CCND1: variants seen among roughly 807,000 people sequenced by gnomAD.
The protein encoded by CCND1 is cyclin D1.
CCND1 carries 9 observed loss-of-function variants against 26.1 expected under a neutral mutation model. The observed-to-expected ratio is 0.35, with a 90% confidence interval of 0.21 to 0.60. CCND1 has a LOEUF of 0.60. Ranked by LOEUF, CCND1 falls within the 20% of genes least tolerant of loss-of-function variation. The probability of loss-of-function intolerance (pLI) is 0.79; values close to 1 mark genes in which losing one functional copy is unlikely to be tolerated. For missense variants in CCND1, 335 were observed against 392.9 expected, an observed-to-expected ratio of 0.85 and a Z score of 1.25; for synonymous variants, 194 against 166.1, an observed-to-expected ratio of 1.17 and a Z score of -1.29.
intron 3 of CCND1, 41 bp from the exon 4 acceptor site, chr11:69,647,953 C>A (rs200754294): frequency 1.2e-6 from 2 of 1,609,414 alleles, no homozygotes; most frequent in Non-Finnish European, 1.7e-6. Context: ...CTGAGAGGGT[C>A]CCCTGCTCAC....
chr11:69,646,125 G>A (rs1012555468), intron 3 of CCND1, among the ~76,000 whole-genome samples: 10 of 152,186 alleles, frequency 6.6e-5, no homozygotes, highest in African/African-American at 2.4e-4. Flanking sequence ...TGTGCCCCTG[G>A]AGACGGGGGG....
chr11:69,649,130 G>A (rs1433040207), intron 4 of CCND1, among the ~76,000 whole-genome samples: 1 of 152,356 alleles, frequency 6.6e-6, no homozygotes, highest in African/African-American at 2.4e-5. Context: ...GTCCTCACCC[G>A]CTGTAGGGTG....
In CCND1 at chr11:69,641,401, G is replaced by A. The variant is rs2220247; in HGVS notation, c.88G>A (p.Ala30Thr). 2.0e-4 allele frequency: 321 copies of A among 1,613,358 alleles called. 1 individual carries two copies. Among genetic ancestry groups the A allele is most frequent in the Middle Eastern group, 6.6e-4 (4 of 6,084 alleles). Residue 30 changes from alanine to threonine, a missense_variant, in exon 1 of 5, where the codon GCC becomes ACC. Transcript: ENST00000227507. ...CCTCCTCAACGACCGGGTGCTGCGG[G>A]CCATGCTGAAGGCGGAGGAGACCTG... ...ANLLNDRVLR[A>T]MLKAEETCAP...
Position 69,653,229 on chromosome 11 carries a change from C to T in CCND1, c.*1947C>T, listed in dbSNP as rs1855878210. 5.7e-6 allele frequency: 4 copies of T among 700,582 alleles called. No homozygotes were observed. Among genetic ancestry groups the T allele is most frequent in the Non-Finnish European group, 7.8e-6 (3 of 384,206 alleles). 43.4% of individuals were successfully genotyped at this position (700,582 alleles called of 1,614,324 possible). ...CCACACCGGGGACAGGCCGCAGCTC[C>T]ATTTTCTTATTGCGCTGCTACCGTT... is the stretch of plus-strand genomic sequence containing the variant. On this transcript the variant is annotated 3_prime_UTR_variant, in exon 5 of 5. Transcript: ENST00000227507.
Position 69,641,243 on chromosome 11 carries a change from G to A in CCND1, c.-71G>A, listed in dbSNP as rs2120078895. On this transcript the variant is annotated 5_prime_UTR_variant, in exon 1 of 5. Coordinates refer to ENST00000227507, the MANE Select transcript of CCND1 (RefSeq NM_053056.3). ...GAGCGCGAGGGAGCGCGGGGCAGCA[G>A]AAGCGAGAGCCGAGCGCGGACCCAG... 2.1e-6 allele frequency: 3 copies of A among 1,444,652 alleles called. No individual in the cohort carries two copies. The highest frequency in any genetic ancestry group is 2.3e-5 in the South Asian group (2 of 87,504). The allele number at this position is 1,444,652 out of a possible 1,614,324, so 89.5% of individuals were successfully genotyped here.
chr11:69,646,191 G>A (rs1348539276), intron 3 of CCND1, among the ~76,000 whole-genome samples: 1 of 152,216 alleles, frequency 6.6e-6, no homozygotes, highest in African/African-American at 2.4e-5. Flanking sequence ...AGCGGTTTCT[G>A]TGTGCGGTTC....
rs1855865915 is a variant in CCND1 at position 69,652,312 on chromosome 11, A to G, written c.*1030A>G. 4.3e-6 allele frequency: 1 copy of G among 233,430 alleles called. No individual in the cohort carries two copies. Among genetic ancestry groups the G allele is most frequent in the African/African-American group, 2.2e-5 (1 of 45,260 alleles). The allele number at this position is 233,430 out of a possible 1,614,324, so 14.5% of individuals were successfully genotyped here. A position where few individuals can be genotyped will look rare whatever the true frequency, so the allele number is the denominator to read the frequency against. On this transcript the variant is annotated 3_prime_UTR_variant, in exon 5 of 5. Coordinates refer to ENST00000227507, the MANE Select transcript of CCND1 (RefSeq NM_053056.3). The stretch of plus-strand genomic sequence containing the variant: ...CATTTCCAAGCACTTTCAGTCCAAT[A>G]GGTGTAGGAAATAGCGCTGTTTTTG...
Position 69,643,133 on chromosome 11 carries a change from C to G in CCND1, c.301C>G (p.Leu101Val). Reference protein sequence around the residue: ...LEPVKKSRLQLLGATCMFVAS... With the variant: ...LEPVKKSRLQVLGATCMFVAS... The stretch of plus-strand genomic sequence containing the variant: ...GCCCGTGAAAAAGAGCCGCCTGCAG[C>G]TGCTGGGGGCCACTTGCATGTTCGT... Residue 101 changes from leucine to valine, a missense_variant, in exon 2 of 5, where the codon CTG (leucine) becomes GTG (valine). Transcript: ENST00000227507. 6.2e-7 allele frequency: 1 copy of G among 1,610,406 alleles called. No homozygotes were observed. The highest frequency in any genetic ancestry group is 8.5e-7 in the Non-Finnish European group (1 of 1,178,670).
At chr11:69,650,623 A>T (rs529712214) in intron 4 of CCND1, among the ~76,000 whole-genome samples, 1 of 152,192 alleles carries the variant, frequency 6.6e-6, no homozygotes, top group Non-Finnish European at 1.5e-5. Flanking sequence ...CCCAGCATTC[A>T]TCCTCAGTCA....
Position 69,641,237 on chromosome 11 carries a change from G to A in CCND1, c.-77G>A. On this transcript the variant is annotated 5_prime_UTR_variant, in exon 1 of 5. Transcript: ENST00000227507. ...GCAGAAGAGCGCGAGGGAGCGCGGG[G>A]CAGCAGAAGCGAGAGCCGAGCGCGG... 7.2e-7 allele frequency: 1 copy of A among 1,383,012 alleles called. No homozygotes were observed. The highest frequency in any genetic ancestry group is 1.0e-6 in the Non-Finnish European group (1 of 985,738). 85.7% of individuals were successfully genotyped at this position (1,383,012 alleles called of 1,614,324 possible). A position where few individuals can be genotyped will look rare whatever the true frequency, so the allele number is the denominator to read the frequency against.
chr11:69,648,480 G>A (rs976003041), intron 4 of CCND1, among the ~76,000 whole-genome samples: 2 of 152,366 alleles, frequency 1.3e-5, no homozygotes, highest in African/African-American at 2.4e-5. Context: ...AGGCCCAGGC[G>A]AGCTTTGTTT....
chr11:69,647,433 C>T (rs79165989), intron 3 of CCND1, among the ~76,000 whole-genome samples: 1 of 152,284 alleles, frequency 6.6e-6, no homozygotes, highest in African/African-American at 2.4e-5. Flanking sequence ...AGGGCTTACC[C>T]CTCAAGGGAC....
rs751307879 is a variant in CCND1, at chr11:69,643,888, G to A, written c.471G>A (p.Pro157=). ...KLKWNLAAMT[P]HDFIEHFLSK... is the part of the protein sequence containing the mutation. ...AGTGGAACCTGGCCGCAATGACCCC[G>A]CACGATTTCATTGAACACTTCCTCT... is the stretch of plus-strand genomic sequence containing the variant. Residue 157 remains proline, a synonymous_variant, in exon 3 of 5, where the codon CCG becomes CCA. Transcript: ENST00000227507. 9 of 1,613,500 alleles carry A rather than the reference G, an allele frequency of 5.6e-6. No individual in the cohort carries two copies. The highest frequency in any genetic ancestry group is 4.4e-5 in the South Asian group (4 of 91,090).
chr11:69,650,305 C>T (rs1211902779), intron 4 of CCND1, among the ~76,000 whole-genome samples: 2 of 152,250 alleles, frequency 1.3e-5, no homozygotes, highest in Non-Finnish European at 2.9e-5. Context: ...GCAGCCACTT[C>T]AGGCTGCGTG....
chr11:69,641,582 C>T (rs2120082539), intron 1 of CCND1, 71 bp downstream of exon 1: 2 of 1,381,574 alleles, frequency 1.4e-6, no homozygotes, highest in Non-Finnish European at 2.0e-6. Context: ...TTCTTTGCTA[C>T]TCACCCCCCT....
intron 4 of CCND1, among the ~76,000 whole-genome samples, chr11:69,650,313 G>A (rs767028126): frequency 6.6e-6 from 1 of 152,254 alleles, no homozygotes; most frequent in Non-Finnish European, 1.5e-5. Context: ...TTCAGGCTGC[G>A]TGGGACTTGC....
chr11:69,649,401 C>T (rs904427322), intron 4 of CCND1, among the ~76,000 whole-genome samples: 3 of 152,176 alleles, frequency 2.0e-5, no homozygotes, highest in Non-Finnish European at 2.9e-5. Context: ...TGGAGGCACA[C>T]GTCTCACAGC....
intron 1 of CCND1, among the ~76,000 whole-genome samples, chr11:69,642,473 A>C (rs1377694151): frequency 1.3e-5 from 2 of 152,180 alleles, no homozygotes; most frequent in Non-Finnish European, 2.9e-5. Flanking sequence ...CTCCCCCCGG[A>C]GCCTGTAACG....
At position 69,651,726 on chromosome 11, in the gene CCND1, T is replaced by C. The variant is rs1432919660; in HGVS notation, c.*444T>C. The C allele has an allele frequency of 2.1e-5, 5 of 234,518 alleles. No homozygotes were observed. The highest frequency in any genetic ancestry group is 8.8e-5 in the African/African-American group (4 of 45,388). The allele number at this position is 234,518 out of a possible 1,614,324, so 14.5% of individuals were successfully genotyped here. A position where few individuals can be genotyped will look rare whatever the true frequency, so the allele number is the denominator to read the frequency against. ...AAAGCATAAAAACATTTTAAAAACA[T>C]AGAAAAATTCAGCAAACCATTTTTA... On this transcript the variant is annotated 3_prime_UTR_variant, in exon 5 of 5. Transcript: ENST00000227507.
Sources: allele counts gnomAD v4.1 joint callset (sites outside exome capture counted in the v4.1 genomes callset), GRCh38; gene constraint gnomAD v4.1.1; transcripts MANE v1.5; gene names NCBI Gene and HGNC (gene_info 2026-07-23, HGNC 2026-07-21).